Variants in LRP1B observed in about 807,000 individuals in gnomAD.
The protein encoded by LRP1B is LDL receptor related protein 1B.
A neutral mutation model predicts 556.6 loss-of-function variants in LRP1B; 217 were observed. The observed-to-expected ratio is 0.39, with a 90% confidence interval of 0.35 to 0.44. The LOEUF (loss-of-function observed/expected upper bound fraction) is 0.44, where lower values mean the gene tolerates loss of function less well. Among genes scored for constraint, LRP1B ranks in the 20% least tolerant of loss-of-function variants. The probability of loss-of-function intolerance (pLI) is 1.00; values close to 1 mark genes in which losing one functional copy is unlikely to be tolerated. For missense variants in LRP1B, 5,053 were observed against 5,620.8 expected, an observed-to-expected ratio of 0.90 and a Z score of 3.23; for synonymous variants, 2,047 against 1,865.8, an observed-to-expected ratio of 1.10 and a Z score of -2.50.
At chr2:142,107,314 C>T (rs1050671434) in intron 1 of LRP1B, among the ~76,000 whole-genome samples, 37 of 152,112 alleles carry the variant, frequency 2.4e-4, no homozygotes, top group African/African-American at 8.9e-4. Context: ...AAGGGTTCTG[C>T]CCTCGTTGAT....
intron 23 of LRP1B, among the ~76,000 whole-genome samples, chr2:140,900,925 A>T (rs974618399): frequency 8.5e-5 from 13 of 152,210 alleles, no homozygotes; most frequent in African/African-American, 3.1e-4. Context: ...AAGTGAGGAA[A>T]GTATAGTCTA....
chr2:141,856,189 G>A (rs1436910906), intron 1 of LRP1B, among the ~76,000 whole-genome samples: 1 of 152,058 alleles, frequency 6.6e-6, no homozygotes, highest in Non-Finnish European at 1.5e-5. Context: ...TATATACCAA[G>A]CCTCCCAGAT....
rs756327718 is a variant in LRP1B at position 141,096,629 on chromosome 2, GGA to G, written c.1014-34358_1014-34357del. On this transcript the variant is annotated intron_variant, in intron 7 of 90. Transcript: ENST00000389484. ...CTGAATGACAAAGACGGGGAGAGGG[GGA>G]GAGAGAGAGAGAGAGAGAGAGAGAG... 2.9e-3 allele frequency among the ~76,000 whole-genome samples: 173 copies of G among 59,712 alleles called. 1 individual carries two copies. Among genetic ancestry groups the G allele is most frequent in the African/African-American group, 0.011 (150 of 13,674 alleles). 39.2% of individuals were successfully genotyped at this position (59,712 alleles called of 152,430 possible).
chr2:141,885,285 C>T (rs1311252378), intron 1 of LRP1B, among the ~76,000 whole-genome samples: 1 of 152,048 alleles, frequency 6.6e-6, no homozygotes, highest in Non-Finnish European at 1.5e-5. Context: ...TTTCTTCTTA[C>T]TAGAGATGAG....
chr2:141,617,024 C>T (rs1009533428), intron 2 of LRP1B, among the ~76,000 whole-genome samples: 53 of 152,312 alleles, frequency 3.5e-4, no homozygotes, highest in Middle Eastern at 3.4e-3. Context: ...ATCCATCTGC[C>T]ATGCCTTCAC....
intron 2 of LRP1B, among the ~76,000 whole-genome samples, chr2:141,568,624 G>A (rs1686419501): frequency 6.6e-6 from 1 of 151,224 alleles, no homozygotes; most frequent in South Asian, 2.1e-4. Context: ...ATATGGAATA[G>A]GCTGAGAAAT....
At chr2:141,060,474 G>A (rs1024110120) in intron 8 of LRP1B, among the ~76,000 whole-genome samples, 1 of 151,692 alleles carries the variant, frequency 6.6e-6, no homozygotes, top group African/African-American at 2.4e-5. Context: ...TTTGACTTGG[G>A]TAATACTTTT....
intron 1 of LRP1B, among the ~76,000 whole-genome samples, chr2:141,829,683 C>T (rs1289006371): frequency 6.6e-6 from 1 of 151,790 alleles, no homozygotes; most frequent in African/African-American, 2.4e-5. Flanking sequence ...TTTTCAGTGG[C>T]TTTATCTGTT....
chr2:141,450,522 T>C (rs1681377821), intron 3 of LRP1B, among the ~76,000 whole-genome samples: 1 of 151,868 alleles, frequency 6.6e-6, no homozygotes, highest in African/African-American at 2.4e-5. Context: ...ATCAACTTCA[T>C]CATCACTGAT....
intron 4 of LRP1B, among the ~76,000 whole-genome samples, chr2:141,248,987 A>G (rs568934260): frequency 2.0e-4 from 30 of 152,286 alleles, no homozygotes; most frequent in African/African-American, 7.2e-4. Context: ...AAATTGATTG[A>G]ATTTTGAAAT....
At chr2:141,050,519 C>A (rs1348452518) in intron 10 of LRP1B, among the ~76,000 whole-genome samples, 1 of 151,914 alleles carries the variant, frequency 6.6e-6, no homozygotes, top group African/African-American at 2.4e-5. Context: ...CCTGACAGGC[C>A]CCGTTGTGTG....
chr2:141,634,379 TATAGAAATTAGC>T (rs1193431528), intron 2 of LRP1B, among the ~76,000 whole-genome samples: 1 of 151,996 alleles, frequency 6.6e-6, no homozygotes, highest in East Asian at 1.9e-4. Flanking sequence ...TATACTATTT[TATAGAAATTAGC>T]AGCTAGAAGG....
intron 1 of LRP1B, among the ~76,000 whole-genome samples, chr2:141,855,834 C>T (rs1698032305): frequency 6.6e-6 from 1 of 152,148 alleles, no homozygotes; most frequent in Non-Finnish European, 1.5e-5. Flanking sequence ...CTATTTCATA[C>T]TTGTTGAATT....
At chr2:141,158,317 A>G (rs780663177) in intron 7 of LRP1B, among the ~76,000 whole-genome samples, 11 of 152,216 alleles carry the variant, frequency 7.2e-5, no homozygotes, top group Non-Finnish European at 1.5e-4. Context: ...AGCTGAACTC[A>G]AATCATATAA....
intron 40 of LRP1B, among the ~76,000 whole-genome samples, chr2:140,701,016 A>T (rs915157874): frequency 3.3e-5 from 5 of 152,138 alleles, no homozygotes; most frequent in Admixed American, 3.3e-4. Context: ...TATGGAAAGC[A>T]TCAAAGAAAT....
chr2:142,010,480 G>A (rs567915235), intron 1 of LRP1B, among the ~76,000 whole-genome samples: 2 of 149,544 alleles, frequency 1.3e-5, no homozygotes, highest in South Asian at 2.2e-4. Flanking sequence ...GCGTGAACCC[G>A]GGAGGCGGAG....
At chr2:141,964,444 AC>A (rs1337840721) in intron 1 of LRP1B, among the ~76,000 whole-genome samples, 1 of 148,964 alleles carries the variant, frequency 6.7e-6, no homozygotes, top group African/African-American at 2.5e-5. Flanking sequence ...AATGCCGCAT[AC>A]CTACAACTAT....
At chr2:141,338,460 G>A (rs1206358541) in intron 3 of LRP1B, among the ~76,000 whole-genome samples, 1 of 152,048 alleles carries the variant, frequency 6.6e-6, no homozygotes, top group Non-Finnish European at 1.5e-5. Context: ...GGGGTTGCTG[G>A]AAGGAAAAAG....
chr2:140,540,989 C>G lies in LRP1B; in HGVS notation c.7497G>C (p.Glu2499Asp), dbSNP rs1680111590. The stretch of plus-strand genomic sequence containing the variant: ...TTTACTTACTCACACATCTGTTGTC[C>G]TCTAGCAATATTCGGTCCCCTCTGC... ...CSCRGDRILL[E>D]DNRCVTKNSS... The change falls in exon 45 of 91, where the codon GAG (glutamate) becomes GAC (aspartate). Residue 2499 changes from glutamate to aspartate, a missense_variant. Physicochemically the swap from Glu to Asp is conservative, Grantham distance 45 (BLOSUM62 2). Coordinates refer to ENST00000389484, the MANE Select transcript of LRP1B (RefSeq NM_018557.3). The G allele has an allele frequency of 1.2e-6, 2 of 1,610,190 alleles. No homozygotes were observed. The highest frequency in any genetic ancestry group is 1.7e-6 in the Non-Finnish European group (2 of 1,177,720).
Sources: gnomAD v4.1 joint callset for allele counts (sites outside exome capture counted in the v4.1 genomes callset) on GRCh38, gnomAD v4.1.1 for gene constraint, MANE v1.5 for transcripts, NCBI Gene and HGNC (gene_info 2026-07-23, HGNC 2026-07-21) for gene names.